Variants in RARB observed in about 807,000 individuals in gnomAD.
RARB encodes the protein HBV-activated protein.
In RARB, 17 loss-of-function variants were observed where a neutral mutation model predicts 51.9. The ratio of observed to expected loss-of-function variants is 0.33; its 90% CI spans 0.22 to 0.49. RARB has a LOEUF of 0.49. RARB is among the 20% of genes least tolerant of loss of function. The pLI, the probability that RARB is intolerant of heterozygous loss-of-function variation, is 0.99. For missense variants in RARB, 369 were observed against 550.8 expected (o/e 0.67, Z 3.30); for synonymous variants, 215 against 195.4 (o/e 1.10, Z -0.84).
chr3:25,186,940 T>TGTGTGTGTG (rs1553641069), intron 5 of RARB, among the ~76,000 whole-genome samples: 95 of 148,556 alleles, frequency 6.4e-4, no homozygotes, highest in East Asian at 1.6e-3. Flanking sequence ...TGTGTGTGTG[T>TGTGTGTGTG]TTTCCTGCTA....
chr3:25,454,893 C>T (rs979551851), intron 1 of RARB, among the ~76,000 whole-genome samples: 3 of 152,186 alleles, frequency 2.0e-5, no homozygotes, highest in Non-Finnish European at 4.4e-5. Context: ...GTGCCAAGTC[C>T]TCTTAACAGG....
At chr3:25,340,703 A>G (rs1213936251) in intron 5 of RARB, among the ~76,000 whole-genome samples, 5 of 152,200 alleles carry the variant, frequency 3.3e-5, no homozygotes, top group Non-Finnish European at 7.4e-5. Context: ...GGTGAAAAAC[A>G]AGAGAGATTT....
chr3:25,578,381 C>T (rs184189975), intron 4 of RARB, among the ~76,000 whole-genome samples: 278 of 152,296 alleles, frequency 1.8e-3, no homozygotes, highest in Non-Finnish European at 3.1e-3. Flanking sequence ...ATAGAAGGTA[C>T]GACAGGCTCC....
chr3:25,289,099 G>T lies in RARB; in HGVS notation c.178+114524G>T, dbSNP rs557929386. ...GACCAGCAGAGAAGCCTTTTCAGCT[G>T]TTTCACGTAGTGGATTAGAGCTCAG... On this transcript the variant is annotated intron_variant, in intron 5 of 11. Coordinates refer to the RARB transcript ENST00000383772. Among the ~76,000 whole-genome samples, 3 of 152,276 alleles carry T rather than the reference G, an allele frequency of 2.0e-5. No homozygotes were observed. The South Asian group carries it at 6.2e-4, about 32-fold the overall frequency.
chr3:25,189,438 G>A (rs1701047501), intron 5 of RARB, among the ~76,000 whole-genome samples: 1 of 152,110 alleles, frequency 6.6e-6, no homozygotes, highest in African/African-American at 2.4e-5. Flanking sequence ...GGAGCCAAAG[G>A]CCCAACCCTC....
intron 2 of RARB, among the ~76,000 whole-genome samples, chr3:24,909,556 T>C (rs994063960): frequency 6.6e-6 from 1 of 151,702 alleles, no homozygotes; most frequent in African/African-American, 2.4e-5. Flanking sequence ...ATTCTAGTTT[T>C]CTTCATCTTT....
chr3:25,270,435 A>G (rs1703231848), intron 5 of RARB, among the ~76,000 whole-genome samples: 1 of 152,214 alleles, frequency 6.6e-6, no homozygotes, highest in Admixed American at 6.5e-5. Context: ...AGTCAAATTC[A>G]TAGAGATCTG....
chr3:24,976,700 T>A (rs1276884719), intron 2 of RARB, among the ~76,000 whole-genome samples: 1 of 152,234 alleles, frequency 6.6e-6, no homozygotes, highest in Non-Finnish European at 1.5e-5. Flanking sequence ...TTTTCTGTCA[T>A]TCTGTAGGTT....
At chr3:25,344,477 A>G (rs1017428534) in intron 5 of RARB, among the ~76,000 whole-genome samples, 3 of 152,202 alleles carry the variant, frequency 2.0e-5, no homozygotes. Context: ...CCTAATGATC[A>G]TTGTGTCAGT....
intron 5 of RARB, among the ~76,000 whole-genome samples, chr3:25,329,716 C>T (rs979571134): frequency 1.3e-5 from 2 of 152,086 alleles, no homozygotes; most frequent in Non-Finnish European, 2.9e-5. Context: ...CAAACTCCTC[C>T]AAGCTAAAGG....
chr3:24,993,286 T>TA (rs1696952804), intron 2 of RARB, among the ~76,000 whole-genome samples: 2 of 152,206 alleles, frequency 1.3e-5, no homozygotes, highest in African/African-American at 4.8e-5. Context: ...TCCATGTTTT[T>TA]ATCATGCCAG....
intron 2 of RARB, among the ~76,000 whole-genome samples, chr3:25,476,809 A>C (rs1695972257): frequency 6.6e-6 from 1 of 152,188 alleles, no homozygotes; most frequent in Admixed American, 6.5e-5. Context: ...TGGAACTTTC[A>C]TTGTGGTACT....
At chr3:25,069,934 C>T (rs970113992) in intron 3 of RARB, among the ~76,000 whole-genome samples, 16 of 152,144 alleles carry the variant, frequency 1.1e-4, no homozygotes, top group South Asian at 4.1e-4. Context: ...GCTGTCATGA[C>T]GAAGTGCCAC....
intron 5 of RARB, among the ~76,000 whole-genome samples, chr3:25,216,839 A>G (rs1248882792): frequency 6.6e-6 from 1 of 151,682 alleles, no homozygotes; most frequent in East Asian, 1.9e-4. Context: ...CCTCCATTGC[A>G]ATTTATTTGT....
In RARB at chr3:25,146,047, T is replaced by C. The variant is rs148040327; in HGVS notation, c.-280+13839T>C. Among the ~76,000 whole-genome samples the C allele has an allele frequency of 9.9e-5, 15 of 151,790 alleles. No individual in the cohort carries two copies. In the South Asian group the frequency reaches 1.7e-3, roughly 17 times the overall value. On this transcript the variant is annotated intron_variant, in intron 4 of 11. Coordinates refer to the RARB transcript ENST00000383772. ...CCTAAGAGACATACTGATTCAAACA[T>C]GTATGTGAGTCCTAGAGTCAGGCAG...
chr3:25,092,601 T>A (rs958788866), intron 3 of RARB, among the ~76,000 whole-genome samples: 4 of 152,186 alleles, frequency 2.6e-5, no homozygotes, highest in Admixed American at 6.6e-5. Context: ...GAATTTGTAA[T>A]CTTTGATTCA....
At chr3:25,235,977 T>C (rs1408265614) in intron 5 of RARB, among the ~76,000 whole-genome samples, 2 of 152,172 alleles carry the variant, frequency 1.3e-5, no homozygotes, top group African/African-American at 4.8e-5. Flanking sequence ...CTCTAGATAC[T>C]TTATAAGATT....
Position 24,980,330 on chromosome 3 carries a change from G to C in RARB, c.-379-79795G>C, listed in dbSNP as rs570409174. On this transcript the variant is annotated intron_variant, in intron 2 of 11. Transcript: ENST00000383772. ...GAATGTTGTCCTGCCTTGCTAGCTT[G>C]GGGAAGTTCTCCTTATTACTATCCT... Among the ~76,000 whole-genome samples the C allele has an allele frequency of 1.5e-4, 23 of 152,188 alleles. No individual in the cohort carries two copies. The South Asian group carries it at 3.7e-3, about 25-fold the overall frequency.
At chr3:24,896,128 G>A (rs776289375) in intron 2 of RARB, among the ~76,000 whole-genome samples, 40 of 152,132 alleles carry the variant, frequency 2.6e-4, no homozygotes, top group Non-Finnish European at 3.5e-4. Flanking sequence ...AATATTGCAC[G>A]ATTCCACTTA....
Sources: allele counts gnomAD v4.1 joint callset (sites outside exome capture counted in the v4.1 genomes callset), GRCh38; gene constraint gnomAD v4.1.1; transcripts MANE v1.5; gene names NCBI Gene and HGNC (gene_info 2026-07-23, HGNC 2026-07-21).